The following PPP1R12B variants were observed in gnomAD, a reference collection of about 807,000 sequenced individuals.
PPP1R12B encodes myosin phosphatase target subunit 2.
A neutral mutation model predicts 126.1 loss-of-function variants in PPP1R12B; 76 were observed. The observed-to-expected ratio is 0.60, with a 90% CI of 0.50 to 0.73. The LOEUF (loss-of-function observed/expected upper bound fraction) is 0.73. PPP1R12B is among the 30% of genes least tolerant of loss of function. The probability of loss-of-function intolerance (pLI) is 0.00; values close to 1 mark genes in which losing one functional copy is unlikely to be tolerated. For synonymous variants in PPP1R12B, 356 were observed against 434.7 expected (o/e 0.82, Z 2.25); for missense variants, 1,052 against 1,205.1 (o/e 0.87, Z 1.88).
At chr1:202,399,251 G>A (rs950984143) in intron 1 of PPP1R12B, among the ~76,000 whole-genome samples, 10 of 151,850 alleles carry the variant, frequency 6.6e-5, no homozygotes, top group Admixed American at 1.3e-4. Flanking sequence ...ACAGGGTCTC[G>A]CTCTGTCACC....
At chr1:202,543,001 C>CT (rs905356065) in intron 18 of PPP1R12B, among the ~76,000 whole-genome samples, 35 of 151,956 alleles carry the variant, frequency 2.3e-4, no homozygotes, top group East Asian at 3.9e-4. Context: ...AAGTTTGATT[C>CT]TTTTTTTTGA....
At position 202,390,208 on chromosome 1, in the gene PPP1R12B, CA is replaced by C. The variant is rs79930531; in HGVS notation, c.292-26578del. ...GGAATAGTGTTTTCAACAAATGGTACAGGGGGCAGCTGGATAACATGCAAAA... is the reference window on the plus strand; with the variant it reads ...GGAATAGTGTTTTCAACAAATGGTACGGGGGCAGCTGGATAACATGCAAAA... On this transcript the variant is annotated intron_variant, in intron 1 of 23. Transcript: ENST00000608999. Among the ~76,000 whole-genome samples the C allele has an allele frequency of 9.5e-4, 144 of 152,210 alleles. 2 individuals carry two copies. In the East Asian group the frequency reaches 0.018, roughly 19 times the overall value.
intron 18 of PPP1R12B, among the ~76,000 whole-genome samples, chr1:202,551,929 A>G (rs1214934721): frequency 6.6e-6 from 1 of 152,204 alleles, no homozygotes; most frequent in African/African-American, 2.4e-5. Context: ...AACAGCCTGG[A>G]TGAGCTTGAA....
chr1:202,420,802 G>A (rs1246413772), intron 2 of PPP1R12B, among the ~76,000 whole-genome samples: 1 of 152,110 alleles, frequency 6.6e-6, no homozygotes, highest in Non-Finnish European at 1.5e-5. Context: ...GAAAGAAGGA[G>A]ATGGTTAAAA....
intron 18 of PPP1R12B, among the ~76,000 whole-genome samples, chr1:202,526,063 A>C (rs1683312502): frequency 6.6e-6 from 1 of 152,240 alleles, no homozygotes; most frequent in African/African-American, 2.4e-5. Flanking sequence ...AACAACAACA[A>C]CAAAAAGATG....
chr1:202,473,349 C>G (rs528003179), intron 13 of PPP1R12B, among the ~76,000 whole-genome samples: 1 of 152,174 alleles, frequency 6.6e-6, no homozygotes, highest in Non-Finnish European at 1.5e-5. Context: ...CCATTTATAG[C>G]AGATATGAAA....
intron 1 of PPP1R12B, among the ~76,000 whole-genome samples, chr1:202,377,603 G>C (rs768008183): frequency 2.7e-5 from 4 of 150,716 alleles, no homozygotes; most frequent in Non-Finnish European, 5.9e-5. Flanking sequence ...CGTGCCCGGC[G>C]AGAAGGGTAG....
chr1:202,388,392 G>A (rs1391697012), intron 1 of PPP1R12B, among the ~76,000 whole-genome samples: 2 of 152,144 alleles, frequency 1.3e-5, no homozygotes. Flanking sequence ...TTTTAGTAGA[G>A]ATGAGGTTTC....
In PPP1R12B at chr1:202,440,701, TA is replaced by T; in HGVS notation, c.1459-4del. Reference sequence around the variant, plus strand: ...TCTTGTGCTTTACTTGTTTTTATTTTACAGGAGAGAGAAAACAAAAGCTATA... The same window carrying T: ...TCTTGTGCTTTACTTGTTTTTATTTTCAGGAGAGAGAAAACAAAAGCTATA... On this transcript the variant is annotated splice_region_variant and splice_polypyrimidine_tract_variant and intron_variant, in intron 10 of 23. Transcript: ENST00000608999. The T allele has an allele frequency of 6.2e-7, 1 of 1,609,006 alleles. No individual in the cohort carries two copies.
chr1:202,436,952 C>A (rs1309054458), intron 9 of PPP1R12B, among the ~76,000 whole-genome samples: 1 of 151,740 alleles, frequency 6.6e-6, no homozygotes, highest in Admixed American at 6.6e-5. Flanking sequence ...TTGAAATTAG[C>A]AGTTAGAATT....
At chr1:202,451,130 CT>C (rs141489711) in intron 13 of PPP1R12B, among the ~76,000 whole-genome samples, 186 of 144,510 alleles carry the variant, frequency 1.3e-3, no homozygotes, top group Non-Finnish European at 2.1e-3. Flanking sequence ...AATGGGTTTA[CT>C]TTTTTTTTTA....
Position 202,495,433 on chromosome 1 carries a change from T to C in PPP1R12B, c.2286T>C (p.Ser762=). 1 of 1,610,260 alleles carries C rather than the reference T, an allele frequency of 6.2e-7. No individual in the cohort carries two copies. The highest frequency in any genetic ancestry group is 8.5e-7 in the Non-Finnish European group (1 of 1,178,002). ...GATTTTCAGTCCCTGATTCTGAGAG[T>C]TCAGAGACTACCACAAACACTACAA... ...TNRFSVPDSE[S]SETTTNTTTA... The change falls in exon 16 of 24, where the codon AGT becomes AGC. Residue 762 remains serine, a synonymous_variant. Coordinates refer to ENST00000608999, the MANE Select transcript of PPP1R12B (RefSeq NM_002481.4).
At chr1:202,519,373 T>A (rs1310402723) in intron 18 of PPP1R12B, among the ~76,000 whole-genome samples, 1 of 152,114 alleles carries the variant, frequency 6.6e-6, no homozygotes, top group African/African-American at 2.4e-5. Context: ...CAAGCAATTC[T>A]CATGCCTCCA....
At chr1:202,499,299 G>A (rs1360389885) in intron 18 of PPP1R12B, among the ~76,000 whole-genome samples, 1 of 152,110 alleles carries the variant, frequency 6.6e-6, no homozygotes, top group East Asian at 1.9e-4. Context: ...CTTTCGCCCA[G>A]GTTGGAGTGC....
chr1:202,390,503 T>A (rs1455619224), intron 1 of PPP1R12B, among the ~76,000 whole-genome samples: 1 of 152,062 alleles, frequency 6.6e-6, no homozygotes, highest in Non-Finnish European at 1.5e-5. Flanking sequence ...AAAGCTTTAT[T>A]TATTTATTTT....
rs558297550 is a variant in PPP1R12B, at chr1:202,556,810, A to C, written c.2491-2067A>C. 2.6e-5 allele frequency among the ~76,000 whole-genome samples: 4 copies of C among 152,300 alleles called. No homozygotes were observed. The East Asian group carries it at 7.7e-4, about 29-fold the overall frequency. On this transcript the variant is annotated intron_variant, in intron 18 of 23. Coordinates refer to ENST00000608999, the MANE Select transcript of PPP1R12B (RefSeq NM_002481.4). ...CACAGTGGGCTGTTAAATACAATAG[A>C]TGCTTTACATTTGCTGGTATGGAGT...
At chr1:202,504,197 C>T (rs1680561376) in intron 18 of PPP1R12B, among the ~76,000 whole-genome samples, 1 of 152,064 alleles carries the variant, frequency 6.6e-6, no homozygotes, top group African/African-American at 2.4e-5. Flanking sequence ...GAGTTCGAGA[C>T]CAGCCTGGTC....
At chr1:202,535,206 T>A in intron 18 of PPP1R12B, among the ~76,000 whole-genome samples, 1 of 152,110 alleles carries the variant, frequency 6.6e-6, no homozygotes, top group East Asian at 1.9e-4. Flanking sequence ...GGGGTTAGAA[T>A]TTCAATCCAG....
chr1:202,523,051 A>G (rs1212869850), intron 18 of PPP1R12B, among the ~76,000 whole-genome samples: 2 of 152,244 alleles, frequency 1.3e-5, no homozygotes, highest in African/African-American at 4.8e-5. Flanking sequence ...AACCAGCTTA[A>G]TCTAACAGAT....
Sources: gnomAD v4.1 joint callset for allele counts (sites outside exome capture counted in the v4.1 genomes callset) on GRCh38, gnomAD v4.1.1 for gene constraint, MANE v1.5 for transcripts, NCBI Gene and HGNC (gene_info 2026-07-23, HGNC 2026-07-21) for gene names.